The following LARS1 variants were observed in gnomAD, a reference collection of about 807,000 sequenced individuals.
The protein encoded by LARS1 is leucyl-tRNA synthetase 1, also known as leucine--tRNA ligase, cytoplasmic.
LARS1 carries 100 observed loss-of-function variants against 162.8 expected under a neutral mutation model. The ratio of observed to expected loss-of-function variants is 0.61; its 90% CI spans 0.52 to 0.73. The LOEUF is 0.73. Among genes scored for constraint, LARS1 ranks in the 30% least tolerant of loss-of-function variants. The pLI, the probability that LARS1 is intolerant of heterozygous loss-of-function variation, is 0.00. For missense variants in LARS1, 1,258 were observed against 1,408.9 expected (o/e 0.89, Z 1.71); for synonymous variants, 457 against 462.8 (o/e 0.99, Z 0.16).
intron 14 of LARS1, among the ~76,000 whole-genome samples, chr5:146,150,333 A>G (rs960192106): frequency 2.0e-5 from 3 of 152,124 alleles, no homozygotes; most frequent in Non-Finnish European, 4.4e-5. Context: ...ATTTCTCTCA[A>G]ATTGTTTCTA....
intron 2 of LARS1, among the ~76,000 whole-genome samples, chr5:146,176,203 C>T (rs567281432): frequency 6.6e-6 from 1 of 151,530 alleles, no homozygotes; most frequent in South Asian, 2.1e-4. Flanking sequence ...CCTGTAATCC[C>T]GGCACTTTGG....
At chr5:146,176,448 C>CAAAAAAA (rs34896615) in intron 2 of LARS1, among the ~76,000 whole-genome samples, 1 of 76,992 alleles carries the variant, frequency 1.3e-5, no homozygotes, top group Non-Finnish European at 2.4e-5. Context: ...AAGACTGTCT[C>CAAAAAAA]AAAAAAAAAA....
At chr5:146,168,397 T>C in intron 4 of LARS1, 132 bp from the exon 5 acceptor site, 1 of 873,106 alleles carries the variant, frequency 1.1e-6, no homozygotes, top group Non-Finnish European at 1.7e-6. Context: ...GTGGCTCCAC[T>C]ACAGAAAACT....
chr5:146,128,728 T>C lies in LARS1; in HGVS notation c.2824A>G (p.Lys942Glu). 6.2e-7 allele frequency: 1 copy of C among 1,600,904 alleles called. No homozygotes were observed. Among genetic ancestry groups the C allele is most frequent in the East Asian group, 2.2e-5 (1 of 44,702 alleles). Residue 942 changes from lysine (K) to glutamate (E), a missense_variant, in exon 27 of 32, where the codon AAG (lysine) becomes GAG (glutamate). Transcript: ENST00000394434. ...GTATGTTGCCAAGGTGGATAGTTCT[T>C]TGCCACATAGATGGTGCAATGTGAG... ...KPSHCTIYVA[K>E]NYPPWQHTTL...
chr5:146,128,703 G>GT lies in LARS1; in HGVS notation c.2848dup (p.Thr950AsnfsTer8). ...GTGTTTACGTAGAACAGACAGGGTGGTATGTTGCCAAGGTGGATAGTTCTT... is the reference window on the plus strand; with the variant it reads ...GTGTTTACGTAGAACAGACAGGGTGGTTATGTTGCCAAGGTGGATAGTTCTT... On this transcript the variant is annotated frameshift_variant, in exon 27 of 32. Transcript: ENST00000394434. LOFTEE classifies it high-confidence loss of function. The GT allele has an allele frequency of 6.3e-7, 1 of 1,589,866 alleles. No homozygotes were observed. The highest frequency in any genetic ancestry group is 8.5e-7 in the Non-Finnish European group (1 of 1,173,404).
chr5:146,133,522 T>G (rs11954750), intron 22 of LARS1, among the ~76,000 whole-genome samples: 33,825 of 152,026 alleles, frequency 0.22, 4,813 homozygotes, highest in Admixed American at 0.34. Context: ...TGAATTTTTC[T>G]CAGTTTTGAA....
chr5:146,144,559 T>A (rs944710227), intron 16 of LARS1, 22 bp from the exon 17 acceptor site: 1 of 1,612,822 alleles, frequency 6.2e-7, no homozygotes, highest in East Asian at 2.2e-5. Context: ...CAAATTGATA[T>A]GTTTTTTTTT....
intron 13 of LARS1, 93 bp downstream of exon 13, chr5:146,153,081 C>T: frequency 2.0e-6 from 2 of 980,140 alleles, no homozygotes; most frequent in Non-Finnish European, 3.1e-6. Flanking sequence ...TCATACTCCA[C>T]CAATTAATTT....
At position 146,133,021 on chromosome 5, in the gene LARS1, G is replaced by A. The variant is rs1196273747; in HGVS notation, c.2273C>T (p.Ala758Val). ...ACGGAGAATACCTGCATCTGCCATG[G>A]CTTCCACAAAGTTGGCATCTTCTAC... Reference protein sequence around the residue: ...DTVEDANFVEAMADAGILRLY... With the variant: ...DTVEDANFVEVMADAGILRLY... The change falls in exon 23 of 32, where the codon GCC becomes GTC. Residue 758 changes from alanine to valine, a missense_variant. Transcript: ENST00000394434. The A allele has an allele frequency of 1.2e-6, 2 of 1,613,908 alleles. No homozygotes were observed. The highest frequency in any genetic ancestry group is 1.7e-6 in the Non-Finnish European group (2 of 1,179,986).
chr5:146,114,330 T>C lies in LARS1; in HGVS notation c.3326-19A>G. On this transcript the variant is annotated intron_variant, in intron 31 of 31. Coordinates refer to ENST00000394434, the MANE Select transcript of LARS1 (RefSeq NM_020117.11). ...GAAAGGTCTACAACAAAATAAATTATCAATATAAGCATTTAATTACAGTCA... is the reference window on the plus strand; with the variant it reads ...GAAAGGTCTACAACAAAATAAATTACCAATATAAGCATTTAATTACAGTCA... 1 of 1,596,294 alleles carries C rather than the reference T, an allele frequency of 6.3e-7. No homozygotes were observed. Among genetic ancestry groups the C allele is most frequent in the Non-Finnish European group, 8.6e-7 (1 of 1,165,198 alleles).
chr5:146,177,730 G>T, intron 1 of LARS1, 65 bp from the exon 2 acceptor site: 2 of 788,946 alleles, frequency 2.5e-6, no homozygotes, highest in Non-Finnish European at 4.1e-6. Context: ...AAAGAATTGG[G>T]TTCACAGAAC....
At chr5:146,173,508 G>C (rs1357120059) in intron 2 of LARS1, among the ~76,000 whole-genome samples, 1 of 149,458 alleles carries the variant, frequency 6.7e-6, no homozygotes, top group African/African-American at 2.5e-5. Flanking sequence ...CTTGATATGT[G>C]GTAGATTCAC....
Position 146,126,576 on chromosome 5 carries a change from G to GA in LARS1, c.2881-32dup, listed in dbSNP as rs200980777. 8.1e-4 allele frequency: 1,206 copies of GA among 1,481,770 alleles called. 10 individuals are homozygous for GA. The African/African-American group carries it at 0.014, about 18-fold the overall frequency. 91.8% of individuals were successfully genotyped at this position (1,481,770 alleles called of 1,614,324 possible). On this transcript the variant is annotated intron_variant, in intron 27 of 31. Transcript: ENST00000394434. The stretch of plus-strand genomic sequence containing the variant: ...AAAAGGAAGGAGGGAGAGTAATGTA[G>GA]AAAAAAAAGTCTCAAGAATAAGGCA...
chr5:146,121,593 T>C (rs1488845662), intron 30 of LARS1, among the ~76,000 whole-genome samples: 1 of 152,122 alleles, frequency 6.6e-6, no homozygotes, highest in African/African-American at 2.4e-5. Context: ...TCATCAATGA[T>C]AGACTGGATA....
intron 24 of LARS1, chr5:146,130,623 A>C (rs1752236765): frequency 5.8e-6 from 1 of 173,112 alleles, no homozygotes; most frequent in African/African-American, 2.4e-5. Flanking sequence ...AGCACTTTAA[A>C]TGCCAAACTT....
chr5:146,182,440 G>A (rs1490762617), intron 1 of LARS1, 48 bp downstream of exon 1: 1 of 1,612,816 alleles, frequency 6.2e-7, no homozygotes, highest in Admixed American at 1.7e-5. Context: ...CTAGAGACTG[G>A]CCAGTCCGGC....
At position 146,135,817 on chromosome 5, in the gene LARS1, G is replaced by A. The variant is rs561323970; in HGVS notation, c.2149-153C>T. ...AAAGATATTACACTAATTTTAGAGC[G>A]GTGAAAACTGAATTTCATCCGATAA... is the stretch of plus-strand genomic sequence containing the variant. On this transcript the variant is annotated intron_variant, in intron 21 of 31. Transcript: ENST00000394434. Among the ~76,000 whole-genome samples the A allele has an allele frequency of 9.2e-5, 14 of 152,286 alleles. No homozygotes were observed. The Middle Eastern group carries it at 0.01, about 111-fold the overall frequency.
chr5:146,170,964 T>C (rs1018775385), intron 4 of LARS1, among the ~76,000 whole-genome samples: 7 of 151,938 alleles, frequency 4.6e-5, no homozygotes, highest in East Asian at 1.9e-4. Flanking sequence ...AAAACAAATA[T>C]GGCAAACGTT....
In LARS1 at chr5:146,172,778, C is replaced by T. The variant is rs766348021; in HGVS notation, c.126-4G>A. The T allele has an allele frequency of 6.6e-7, 1 of 1,512,014 alleles. No individual in the cohort carries two copies. The highest frequency in any genetic ancestry group is 2.4e-5 in the East Asian group (1 of 41,330). The allele number at this position is 1,512,014 out of a possible 1,614,324, so 93.7% of individuals were successfully genotyped here. On this transcript the variant is annotated splice_polypyrimidine_tract_variant and splice_region_variant and intron_variant, in intron 2 of 31. Coordinates refer to ENST00000394434, the MANE Select transcript of LARS1 (RefSeq NM_020117.11). ...GGTTACAAAATACTTGCCCTTGCTG[C>T]AAAACAACAGTATAAAAAAGAAAGT...
Sources: allele counts gnomAD v4.1 joint callset (sites outside exome capture counted in the v4.1 genomes callset), GRCh38; gene constraint gnomAD v4.1.1; transcripts MANE v1.5; gene names NCBI Gene and HGNC (gene_info 2026-07-23, HGNC 2026-07-21).